Variants in HMGXB3 observed in about 807,000 individuals in gnomAD.
HMGXB3 encodes HMG-box containing 3, also known as HMG domain-containing protein 3.
In HMGXB3, 45 loss-of-function variants were observed where a neutral mutation model predicts 121.5. That is an observed-to-expected ratio of 0.37 (90% CI 0.29 to 0.47). HMGXB3 has a LOEUF of 0.47. HMGXB3 is among the 20% of genes least tolerant of loss of function. The pLI is 0.99. For missense variants in HMGXB3, 1,376 were observed against 1,602.2 expected, an observed-to-expected ratio of 0.86 and a Z score of 2.41; for synonymous variants, 590 against 624.1, an observed-to-expected ratio of 0.95 and a Z score of 0.81.
rs573966163 is a variant in HMGXB3 at position 150,039,681 on chromosome 5, G to A, written c.2414-1067G>A. Among the ~76,000 whole-genome samples the A allele has an allele frequency of 1.0e-3, 155 of 151,870 alleles. 1 individual carries two copies. Among genetic ancestry groups the A allele is most frequent in the Non-Finnish European group, 2.0e-3 (138 of 67,958 alleles). ...CCCAGTTTATCGCTCTATTTATTCA[G>A]TTTTACCTCTAGCCTGTCAGAATGT... On this transcript the variant is annotated intron_variant, in intron 13 of 19. Transcript: ENST00000502717.
intron 19 of HMGXB3, among the ~76,000 whole-genome samples, chr5:150,051,445 C>A (rs4705106): frequency 0.061 from 9,285 of 152,270 alleles, 560 homozygotes; most frequent in Admixed American, 0.2. Flanking sequence ...CAGTCAGAGC[C>A]TGATCTTTCT....
At chr5:150,006,752 T>G in intron 3 of HMGXB3, 105 bp downstream of exon 3, 1 of 972,384 alleles carries the variant, frequency 1.0e-6, no homozygotes, top group Non-Finnish European at 1.5e-6. Context: ...TTGGGAAAAG[T>G]TTCATCGTTT....
At chr5:150,023,107 G>C (rs1756141211) in intron 6 of HMGXB3, among the ~76,000 whole-genome samples, 1 of 151,698 alleles carries the variant, frequency 6.6e-6, no homozygotes, top group Non-Finnish European at 1.5e-5. Flanking sequence ...AGGATCACGG[G>C]CATGAGCCAT....
intron 5 of HMGXB3, among the ~76,000 whole-genome samples, chr5:150,016,726 G>A (rs1755969226): frequency 6.6e-6 from 1 of 152,126 alleles, no homozygotes; most frequent in East Asian, 1.9e-4. Flanking sequence ...TAAAAGAGGT[G>A]GTTTAAGCCA....
Position 150,040,746 on chromosome 5 carries a change from A to G in HMGXB3, c.2414-2A>G. On this transcript the variant is annotated splice_acceptor_variant, in intron 13 of 19. Coordinates refer to ENST00000502717, the MANE Select transcript of HMGXB3 (RefSeq NM_014983.3). LOFTEE classifies it high-confidence loss of function. ...TCCTTGTTGCCTCTTCTTAACCTGCAGGTCTCTTTAATGTGGGGAACAAGC... is the reference window on the plus strand; with the variant it reads ...TCCTTGTTGCCTCTTCTTAACCTGCGGGTCTCTTTAATGTGGGGAACAAGC... 6.5e-7 allele frequency: 1 copy of G among 1,550,060 alleles called. No homozygotes were observed. The highest frequency in any genetic ancestry group is 8.7e-7 in the Non-Finnish European group (1 of 1,146,542).
intron 6 of HMGXB3, among the ~76,000 whole-genome samples, chr5:150,019,571 A>C (rs941179903): frequency 1.3e-5 from 2 of 152,240 alleles, no homozygotes; most frequent in African/African-American, 4.8e-5. Flanking sequence ...AATGGATGGA[A>C]GAGGCAGTAA....
intron 16 of HMGXB3, among the ~76,000 whole-genome samples, chr5:150,045,995 A>G (rs569690598): frequency 7.2e-4 from 109 of 152,330 alleles, no homozygotes; most frequent in South Asian, 5.0e-3. Context: ...AAAGGTTTTC[A>G]TTGAGCAAGT....
chr5:150,006,924 A>G (rs570354197), intron 3 of HMGXB3, among the ~76,000 whole-genome samples: 4 of 152,336 alleles, frequency 2.6e-5, no homozygotes, highest in Non-Finnish European at 4.4e-5. Context: ...GGAGCCCCTC[A>G]TAGTTACTAT....
At chr5:150,020,331 A>G (rs1756059725) in intron 6 of HMGXB3, among the ~76,000 whole-genome samples, 2 of 152,212 alleles carry the variant, frequency 1.3e-5, no homozygotes, top group African/African-American at 2.4e-5. Context: ...TGTATTCACA[A>G]TGTATTCCCC....
chr5:150,022,019 G>A (rs960862165), intron 6 of HMGXB3: 8 of 363,124 alleles, frequency 2.2e-5, no homozygotes, highest in African/African-American at 6.4e-5. Flanking sequence ...CCGCAGCTCC[G>A]CACCACCTAT....
rs938881796 is a variant in HMGXB3, at chr5:150,033,856, G to A, written c.1983+1253G>A. On this transcript the variant is annotated intron_variant, in intron 11 of 19. Coordinates refer to ENST00000502717, the MANE Select transcript of HMGXB3 (RefSeq NM_014983.3). ...ACCCTGGTCTCCAGAGTCTGTTTCC[G>A]TGCTTGAGGTGATGTTCTGAGGTTA... Among the ~76,000 whole-genome samples the A allele has an allele frequency of 2.6e-5, 4 of 152,090 alleles. 1 individual carries two copies. Among genetic ancestry groups the A allele is most frequent in the Admixed American group, 1.3e-4 (2 of 15,276 alleles).
intron 6 of HMGXB3, among the ~76,000 whole-genome samples, chr5:150,020,827 C>T (rs894811510): frequency 1.3e-5 from 2 of 151,158 alleles, no homozygotes; most frequent in Non-Finnish European, 2.9e-5. Context: ...GCAACCTCTA[C>T]CTCCCTGGTT....
intron 15 of HMGXB3, among the ~76,000 whole-genome samples, chr5:150,042,268 A>G (rs1756652184): frequency 6.6e-6 from 1 of 152,236 alleles, no homozygotes; most frequent in Admixed American, 6.5e-5. Flanking sequence ...GGGAGATAGT[A>G]GTTAAACAAA....
chr5:150,050,309 C>T lies in HMGXB3; in HGVS notation c.3259C>T (p.Leu1087=). 6.4e-7 allele frequency: 1 copy of T among 1,551,774 alleles called. No individual in the cohort carries two copies. Among genetic ancestry groups the T allele is most frequent in the Non-Finnish European group, 8.7e-7 (1 of 1,147,002 alleles). Residue 1087 remains leucine (L), a synonymous_variant, in exon 19 of 20, where the codon CTG becomes TTG. Transcript: ENST00000502717. ...TGAGAGTGCCCGTGACCATGTGGAC[C>T]TGCTTGCCTCTTCCCGCCACTGGCC... ...RGESARDHVD[L]LASSRHWPPV... is the part of the protein sequence containing the mutation.
At chr5:150,029,281 G>GGGTT (rs1450288467) in intron 9 of HMGXB3, among the ~76,000 whole-genome samples, 2 of 151,372 alleles carry the variant, frequency 1.3e-5, no homozygotes, top group African/African-American at 2.4e-5. Flanking sequence ...TGGATTAGTG[G>GGGTT]GGTTGGTTGG....
chr5:150,032,004 C>T (rs1447197347), intron 10 of HMGXB3, among the ~76,000 whole-genome samples: 1 of 151,870 alleles, frequency 6.6e-6, no homozygotes, highest in Non-Finnish European at 1.5e-5. Flanking sequence ...CCTGAGTAGA[C>T]CCTCTCTTCT....
Position 150,030,752 on chromosome 5 carries a change from C to T in HMGXB3, c.1746C>T (p.Gly582=). The T allele has an allele frequency of 5.2e-6, 8 of 1,551,864 alleles. No individual in the cohort carries two copies. Among genetic ancestry groups the T allele is most frequent in the Non-Finnish European group, 7.0e-6 (8 of 1,146,790 alleles). Residue 582 remains glycine, a synonymous_variant, in exon 10 of 20, where the codon GGC becomes GGT. Coordinates refer to ENST00000502717, the MANE Select transcript of HMGXB3 (RefSeq NM_014983.3). ...SGPGEVKLPS[G]PSNRTSQVKV... ...GTTCTGATCCACAGCTACCAAGTGG[C>T]CCATCCAACAGGACTTCTCAGGTGA...
chr5:150,011,590 GTTGTTTTTTT>G (rs1413834004), intron 4 of HMGXB3, among the ~76,000 whole-genome samples: 3 of 140,766 alleles, frequency 2.1e-5, no homozygotes, highest in African/African-American at 3.1e-5. Flanking sequence ...GTTGTTGTTG[GTTGTTTTTTT>G]TTGGTTTTTT....
rs932690543 is a variant in HMGXB3 at position 150,026,687 on chromosome 5, CTCT to C, written c.1461-14_1461-12del. 1.9e-6 allele frequency: 3 copies of C among 1,539,186 alleles called. No homozygotes were observed. Among genetic ancestry groups the C allele is most frequent in the African/African-American group, 2.8e-5 (2 of 71,914 alleles). On this transcript the variant is annotated splice_polypyrimidine_tract_variant and intron_variant, in intron 7 of 19. Coordinates refer to ENST00000502717, the MANE Select transcript of HMGXB3 (RefSeq NM_014983.3). ...CCTTTGTTCCAGAATTTCCAGATTT[CTCT>C]TCTTATTCTTTTCAGAGCTGACCTG...
Sources: gnomAD v4.1 joint callset for allele counts (sites outside exome capture counted in the v4.1 genomes callset) on GRCh38, gnomAD v4.1.1 for gene constraint, MANE v1.5 for transcripts, NCBI Gene and HGNC (gene_info 2026-07-23, HGNC 2026-07-21) for gene names.